Variants in SPRED2 observed in about 807,000 individuals in gnomAD.
The protein encoded by SPRED2 is sprouty related EVH1 domain containing 2.
Under a neutral mutation model 43.0 loss-of-function variants are expected in SPRED2, and 47 were observed. That is an observed-to-expected ratio of 1.09 (90% confidence interval 0.87 to 1.40). SPRED2 has a LOEUF of 1.40. SPRED2 is among the 40% of genes most tolerant of loss of function. The pLI is 0.00. For synonymous variants in SPRED2, 225 were observed against 225.7 expected, an observed-to-expected ratio of 1.00 and a Z score of 0.03; for missense variants, 561 against 586.4, an observed-to-expected ratio of 0.96 and a Z score of 0.45.
chr2:65,340,998 TGA>T (rs1674161373), intron 2 of SPRED2, among the ~76,000 whole-genome samples: 1 of 139,696 alleles, frequency 7.2e-6, no homozygotes. Flanking sequence ...TAGAGAAGCT[TGA>T]GAGGCCAAAG....
chr2:65,344,950 G>A, intron 1 of SPRED2, 54 bp from the exon 2 acceptor site: 2 of 1,526,076 alleles, frequency 1.3e-6, no homozygotes, highest in Admixed American at 1.9e-5. Flanking sequence ...GGTAGTTGCA[G>A]AACACGTTTC....
At chr2:65,317,892 T>C (rs1673291870) in intron 4 of SPRED2, among the ~76,000 whole-genome samples, 1 of 152,026 alleles carries the variant, frequency 6.6e-6, no homozygotes, top group South Asian at 2.1e-4. Flanking sequence ...AGTAGAGATG[T>C]CAAGTTAAGA....
chr2:65,365,614 A>G (rs1674949243), intron 1 of SPRED2, among the ~76,000 whole-genome samples: 1 of 152,352 alleles, frequency 6.6e-6, no homozygotes, highest in African/African-American at 2.4e-5. Context: ...TCTTAGGCAA[A>G]TTTGTGGGCA....
rs1673123812 is a variant in SPRED2 at position 65,313,351 on chromosome 2, C to G, written c.*150G>C. 2 of 1,486,354 alleles carry G rather than the reference C, an allele frequency of 1.3e-6. No individual in the cohort carries two copies. Among genetic ancestry groups the G allele is most frequent in the Admixed American group, 4.8e-5 (2 of 41,424 alleles). The allele number at this position is 1,486,354 out of a possible 1,614,324, so 92.1% of individuals were successfully genotyped here. Reference sequence around the variant, plus strand: ...AGAGTCTACCCGGCAGCGTCCCTGGCTGGAATGGTGCCTCGAGGTACCAGG... The same window carrying G: ...AGAGTCTACCCGGCAGCGTCCCTGGGTGGAATGGTGCCTCGAGGTACCAGG... On this transcript the variant is annotated 3_prime_UTR_variant, in exon 6 of 6. Coordinates refer to ENST00000356388, the MANE Select transcript of SPRED2 (RefSeq NM_181784.3).
chr2:65,413,674 C>G (rs1358167950), intron 1 of SPRED2, among the ~76,000 whole-genome samples: 2 of 152,204 alleles, frequency 1.3e-5, no homozygotes, highest in Admixed American at 6.5e-5. Flanking sequence ...GCAGGGCCAG[C>G]CAGTGTGGTA....
chr2:65,350,869 G>A (rs934074885), intron 1 of SPRED2, among the ~76,000 whole-genome samples: 1 of 152,224 alleles, frequency 6.6e-6, no homozygotes, highest in Non-Finnish European at 1.5e-5. Context: ...CACAAAGAAT[G>A]TGTGCTCTAG....
chr2:65,345,150 G>T (rs1674313465), intron 1 of SPRED2, among the ~76,000 whole-genome samples: 1 of 151,874 alleles, frequency 6.6e-6, no homozygotes, highest in Non-Finnish European at 1.5e-5. Flanking sequence ...ATGTATACAG[G>T]CACAATATTC....
chr2:65,328,118 T>C (rs1431431757), intron 4 of SPRED2, among the ~76,000 whole-genome samples: 2 of 152,188 alleles, frequency 1.3e-5, no homozygotes, highest in Non-Finnish European at 2.9e-5. Flanking sequence ...TTGTCACCCC[T>C]TCCCTCCTCT....
intron 3 of SPRED2, among the ~76,000 whole-genome samples, chr2:65,333,244 C>T (rs1673865634): frequency 7.1e-6 from 1 of 140,618 alleles, no homozygotes; most frequent in Admixed American, 7.6e-5. Context: ...CCAGCCTGGG[C>T]TGGAGACTCC....
chr2:65,375,510 T>A (rs920146914), intron 1 of SPRED2, among the ~76,000 whole-genome samples: 1 of 152,164 alleles, frequency 6.6e-6, no homozygotes, highest in African/African-American at 2.4e-5. Context: ...CCCACTCTCT[T>A]CATTTAGCTG....
chr2:65,308,845 C>T (rs141593556), downstream of SPRED2, among the ~76,000 whole-genome samples: 9 of 152,252 alleles, frequency 5.9e-5, no homozygotes, highest in African/African-American at 2.2e-4. Context: ...ATTCAACCAA[C>T]CTCACATCGA....
At chr2:65,371,530 G>A (rs1357413720) in intron 1 of SPRED2, among the ~76,000 whole-genome samples, 1 of 152,196 alleles carries the variant, frequency 6.6e-6, no homozygotes. Context: ...GGAGGCGGCG[G>A]AGGCAGATGA....
At chr2:65,378,459 G>T (rs909240351) in intron 1 of SPRED2, among the ~76,000 whole-genome samples, 1 of 152,204 alleles carries the variant, frequency 6.6e-6, no homozygotes, top group Admixed American at 6.5e-5. Context: ...AAGTGTGTGT[G>T]TGGGGCGGAG....
chr2:65,366,530 A>G, intron 1 of SPRED2: 1 of 1,515,430 alleles, frequency 6.6e-7, no homozygotes, highest in Non-Finnish European at 8.9e-7. Context: ...CAGGCACCAG[A>G]AAGGTTAAGA....
At chr2:65,356,472 T>C (rs1183045295) in intron 1 of SPRED2, among the ~76,000 whole-genome samples, 3 of 150,834 alleles carry the variant, frequency 2.0e-5, no homozygotes, top group South Asian at 2.1e-4. Context: ...ATGCTGATAA[T>C]GGTACTAAAC....
At chr2:65,422,072 T>A (rs796590655) in intron 1 of SPRED2, among the ~76,000 whole-genome samples, 2 of 104,632 alleles carry the variant, frequency 1.9e-5, no homozygotes, top group South Asian at 6.4e-4. Flanking sequence ...CGTGCTTGTA[T>A]GTACAACACA....
chr2:65,327,826 C>T (rs181268690), intron 4 of SPRED2, among the ~76,000 whole-genome samples: 26 of 142,170 alleles, frequency 1.8e-4, no homozygotes, highest in South Asian at 7.1e-4. Context: ...CAGGTTCAAG[C>T]GATTCTCCTG....
At chr2:65,397,989 T>C (rs907616322) in intron 1 of SPRED2, among the ~76,000 whole-genome samples, 1 of 152,168 alleles carries the variant, frequency 6.6e-6, no homozygotes. Flanking sequence ...TTCCAAACTA[T>C]ACTGTAAGGC....
At chr2:65,329,290 G>C (rs1397980330) in intron 4 of SPRED2, among the ~76,000 whole-genome samples, 1 of 152,206 alleles carries the variant, frequency 6.6e-6, no homozygotes, top group Non-Finnish European at 1.5e-5. Flanking sequence ...AAAATCTAAT[G>C]ACAGGGAGCT....
Sources: gnomAD v4.1 joint callset for allele counts (sites outside exome capture counted in the v4.1 genomes callset) on GRCh38, gnomAD v4.1.1 for gene constraint, MANE v1.5 for transcripts, NCBI Gene and HGNC (gene_info 2026-07-23, HGNC 2026-07-21) for gene names.